GRID1: variants seen among roughly 807,000 people sequenced by gnomAD.
The protein encoded by GRID1 is glutamate ionotropic receptor delta type subunit 1.
Under a neutral mutation model 98.0 loss-of-function variants are expected in GRID1, and 28 were observed. The ratio of observed to expected loss-of-function variants is 0.29; its 90% CI spans 0.21 to 0.39. The LOEUF (loss-of-function observed/expected upper bound fraction) is 0.39, where lower values mean the gene tolerates loss of function less well. GRID1 is among the 10% of genes least tolerant of loss of function. GRID1 has a pLI of 1.00. For missense variants in GRID1, 1,111 were observed against 1,340.5 expected (o/e 0.83, Z 2.67); for synonymous variants, 553 against 538.5 (o/e 1.03, Z -0.37).
At chr10:85,967,118 T>C (rs1362936041) in intron 4 of GRID1, among the ~76,000 whole-genome samples, 5 of 152,200 alleles carry the variant, frequency 3.3e-5, no homozygotes, top group Non-Finnish European at 7.3e-5. Context: ...TATATCTTGC[T>C]TCCCCTTTGC....
intron 4 of GRID1, among the ~76,000 whole-genome samples, chr10:85,918,404 C>T (rs1841650489): frequency 6.6e-6 from 1 of 151,146 alleles, no homozygotes; most frequent in African/African-American, 2.4e-5. Context: ...CTTGCCCCTT[C>T]CCGTCTCCCA....
chr10:86,135,313 C>T (rs1189150967), intron 4 of GRID1, among the ~76,000 whole-genome samples: 1 of 152,216 alleles, frequency 6.6e-6, no homozygotes, highest in African/African-American at 2.4e-5. Flanking sequence ...GAGCCACCCA[C>T]ACTCACATGG....
intron 12 of GRID1, among the ~76,000 whole-genome samples, chr10:85,665,155 C>T (rs1288843755): frequency 6.6e-6 from 1 of 152,154 alleles, no homozygotes; most frequent in African/African-American, 2.4e-5. Context: ...TTTAAGTAGA[C>T]TCCTTCTCTA....
In GRID1 at chr10:85,773,037, C is replaced by A. The variant is rs1315881085; in HGVS notation, c.1234-43423G>T. On this transcript the variant is annotated intron_variant, in intron 8 of 15. Transcript: ENST00000327946. ...CAAAACCAAAAAAGACAATTTTAGA[C>A]CAATATCCTTGATGAACATTGATGC... Among the ~76,000 whole-genome samples the A allele has an allele frequency of 4.6e-5, 7 of 152,184 alleles. No individual in the cohort carries two copies. The East Asian group carries it at 1.2e-3, about 25-fold the overall frequency.
At chr10:86,303,571 G>A (rs1847719982) in intron 2 of GRID1, among the ~76,000 whole-genome samples, 1 of 152,146 alleles carries the variant, frequency 6.6e-6, no homozygotes, top group African/African-American at 2.4e-5. Context: ...TTTCCTCATT[G>A]ATCTTCCTGC....
chr10:86,263,712 C>CAGTG (rs1407103717), intron 2 of GRID1, among the ~76,000 whole-genome samples: 1 of 152,170 alleles, frequency 6.6e-6, no homozygotes, highest in African/African-American at 2.4e-5. Flanking sequence ...GTGCTTAGAA[C>CAGTG]AGTGCCTGGT....
In GRID1 at chr10:86,004,424, T is replaced by C. The variant is rs528021903; in HGVS notation, c.727-88185A>G. The stretch of plus-strand genomic sequence containing the variant: ...GATACTTGGTCAAACATTCTGGCTG[T>C]TTCTGTGAGATGGATGGTTTTGGGA... On this transcript the variant is annotated intron_variant, in intron 4 of 15. Transcript: ENST00000327946. 2.0e-5 allele frequency among the ~76,000 whole-genome samples: 3 copies of C among 152,320 alleles called. No individual in the cohort carries two copies. In the South Asian group the frequency reaches 6.2e-4, roughly 32 times the overall value.
rs1845345316 is a variant in GRID1, at chr10:86,163,117, C to T, written c.521-24093G>A. On this transcript the variant is annotated intron_variant, in intron 3 of 15. Transcript: ENST00000327946. ...CAGGGAGCGGGAGTGACTCTGTGGACCTCCAATGGGCCAGTACCCTCAGTG... is the reference window on the plus strand; with the variant it reads ...CAGGGAGCGGGAGTGACTCTGTGGATCTCCAATGGGCCAGTACCCTCAGTG... Among the ~76,000 whole-genome samples, 2 of 152,182 alleles carry T rather than the reference C, an allele frequency of 1.3e-5. 1 individual carries two copies. The highest frequency in any genetic ancestry group is 4.1e-4 in the South Asian group (2 of 4,826).
intron 8 of GRID1, among the ~76,000 whole-genome samples, chr10:85,808,188 A>T (rs1842639682): frequency 6.6e-6 from 1 of 152,226 alleles, no homozygotes; most frequent in Non-Finnish European, 1.5e-5. Context: ...CAAGAAAAAC[A>T]TGGCAGGAGG....
chr10:86,078,931 G>A (rs1843925397), intron 4 of GRID1, among the ~76,000 whole-genome samples: 1 of 152,262 alleles, frequency 6.6e-6, no homozygotes, highest in Non-Finnish European at 1.5e-5. Context: ...CTCTATGTCA[G>A]AAGCTGTGTA....
chr10:85,911,780 A>G (rs1364061526), intron 5 of GRID1, among the ~76,000 whole-genome samples: 1 of 152,196 alleles, frequency 6.6e-6, no homozygotes, highest in Non-Finnish European at 1.5e-5. Context: ...AATTCCCTGC[A>G]CAAAGTTCCC....
intron 2 of GRID1, among the ~76,000 whole-genome samples, chr10:86,252,115 G>A (rs1262632667): frequency 4.6e-5 from 7 of 152,212 alleles, no homozygotes; most frequent in Non-Finnish European, 8.8e-5. Flanking sequence ...ACAGAGCCCA[G>A]GTCCAGCTGA....
intron 4 of GRID1, among the ~76,000 whole-genome samples, chr10:86,059,325 G>T (rs11595079): frequency 0.099 from 15,020 of 152,292 alleles, 860 homozygotes; most frequent in East Asian, 0.2. Context: ...TGCAAAGATG[G>T]TAAAGATACA....
rs1468926883 is a variant in GRID1 at position 86,083,371 on chromosome 10, C to T, written c.726+55448G>A. On this transcript the variant is annotated intron_variant, in intron 4 of 15. Transcript: ENST00000327946. Reference sequence around the variant, plus strand: ...CTTCTAAGCCCAGCGTGGTGTCGCTCATGCTATCTCCTGTGCTGCTGTAGA... The same window carrying T: ...CTTCTAAGCCCAGCGTGGTGTCGCTTATGCTATCTCCTGTGCTGCTGTAGA... Among the ~76,000 whole-genome samples the T allele has an allele frequency of 3.3e-5, 5 of 152,152 alleles. 1 individual carries two copies. Among genetic ancestry groups the T allele is most frequent in the Non-Finnish European group, 5.9e-5 (4 of 68,040 alleles).
At chr10:86,091,671 G>A (rs116494001) in intron 4 of GRID1, among the ~76,000 whole-genome samples, 280 of 152,240 alleles carry the variant, frequency 1.8e-3, no homozygotes, top group African/African-American at 6.5e-3. Flanking sequence ...CCTGGCAGGA[G>A]ACCAACCAGC....
At chr10:85,698,867 C>T (rs1311987062) in intron 12 of GRID1, among the ~76,000 whole-genome samples, 2 of 152,154 alleles carry the variant, frequency 1.3e-5, no homozygotes, top group African/African-American at 4.8e-5. Flanking sequence ...TGGTATTCCA[C>T]TGTTGTTTTA....
At chr10:86,152,584 GCTT>G (rs1435809984) in intron 3 of GRID1, among the ~76,000 whole-genome samples, 2 of 152,252 alleles carry the variant, frequency 1.3e-5, no homozygotes, top group Admixed American at 6.5e-5. Flanking sequence ...AAGAGCCTGG[GCTT>G]TGGGGCCTGC....
intron 8 of GRID1, among the ~76,000 whole-genome samples, chr10:85,775,806 A>G (rs1164504586): frequency 6.6e-6 from 1 of 152,232 alleles, no homozygotes; most frequent in Non-Finnish European, 1.5e-5. Flanking sequence ...TGAGAAAATA[A>G]CAACATTAGG....
At chr10:85,872,549 A>G (rs1843288789) in intron 5 of GRID1, among the ~76,000 whole-genome samples, 1 of 152,362 alleles carries the variant, frequency 6.6e-6, no homozygotes, top group East Asian at 1.9e-4. Flanking sequence ...AAAGTTGCAC[A>G]GTACGTTTCT....
Sources: allele counts gnomAD v4.1 joint callset (sites outside exome capture counted in the v4.1 genomes callset), GRCh38; gene constraint gnomAD v4.1.1; transcripts MANE v1.5; gene names NCBI Gene and HGNC (gene_info 2026-07-23, HGNC 2026-07-21).